Variants in RANBP2 observed in about 807,000 individuals in gnomAD.
RANBP2 encodes RAN binding protein 2.
A neutral mutation model predicts 303.6 loss-of-function variants in RANBP2; 57 were observed. The observed-to-expected ratio is 0.19, with a 90% CI of 0.15 to 0.23. RANBP2 has a LOEUF of 0.23. Among genes scored for constraint, RANBP2 ranks in the 10% least tolerant of loss-of-function variants. The pLI is 1.00. For synonymous variants in RANBP2, 1,167 were observed against 1,301.5 expected, an observed-to-expected ratio of 0.90 and a Z score of 2.23; for missense variants, 3,138 against 3,780.8, an observed-to-expected ratio of 0.83 and a Z score of 4.46.
At chr2:109,049,534 A>G in the RANBP2 span, among the ~76,000 whole-genome samples, 1 of 152,194 alleles carries the variant, frequency 6.6e-6, no homozygotes, top group Non-Finnish European at 1.5e-5. Context: ...AATTGCACCA[A>G]GGAGCAGGCA....
the RANBP2 span, among the ~76,000 whole-genome samples, chr2:109,357,554 G>T: frequency 3.3e-5 from 5 of 152,176 alleles, no homozygotes; most frequent in African/African-American, 1.2e-4. Flanking sequence ...TTACCAGCCC[G>T]CCCTTCCCGC....
chr2:109,709,967 A>T, the RANBP2 span, among the ~76,000 whole-genome samples: 1 of 150,338 alleles, frequency 6.7e-6, no homozygotes, highest in African/African-American at 2.5e-5. Flanking sequence ...CATGCCTGTA[A>T]TCCCAACTAC....
chr2:109,032,596 T>TGG, the RANBP2 span, among the ~76,000 whole-genome samples: 1 of 151,554 alleles, frequency 6.6e-6, no homozygotes, highest in African/African-American at 2.4e-5. Context: ...TGGGGTGGGG[T>TGG]GGGGGAGTCT....
chr2:109,495,114 G>A, the RANBP2 span, among the ~76,000 whole-genome samples: 1 of 152,216 alleles, frequency 6.6e-6, no homozygotes, highest in Non-Finnish European at 1.5e-5. Context: ...CCTTCCAAGA[G>A]GACCTCATCT....
the RANBP2 span, among the ~76,000 whole-genome samples, chr2:109,424,629 G>A: frequency 6.6e-6 from 1 of 152,196 alleles, no homozygotes; most frequent in Non-Finnish European, 1.5e-5. Flanking sequence ...TCTTTATGGT[G>A]ATGTGATCAG....
At chr2:108,754,505 C>T (rs1171769639) in intron 15 of RANBP2, among the ~76,000 whole-genome samples, 1 of 149,710 alleles carries the variant, frequency 6.7e-6, no homozygotes, top group Non-Finnish European at 1.5e-5. Flanking sequence ...TGTATTGTAG[C>T]ATCTGTATTT....
the RANBP2 span, among the ~76,000 whole-genome samples, chr2:109,488,663 C>T: frequency 6.6e-6 from 1 of 152,198 alleles, no homozygotes; most frequent in African/African-American, 2.4e-5. Context: ...CCTGGGAACA[C>T]TCTCCCTCAA....
At chr2:109,615,814 A>G in the RANBP2 span, 1 of 1,614,174 alleles carries the variant, frequency 6.2e-7, no homozygotes, top group Non-Finnish European at 8.5e-7. Flanking sequence ...CACCACCATC[A>G]CCACTCGGCT....
the RANBP2 span, among the ~76,000 whole-genome samples, chr2:109,031,892 A>ACCCC: frequency 2.8e-5 from 2 of 71,832 alleles, no homozygotes; most frequent in African/African-American, 5.4e-5. Flanking sequence ...GCTACCACCC[A>ACCCC]CCCCCCGCCA....
chr2:108,960,309 T>C, the RANBP2 span, among the ~76,000 whole-genome samples: 1 of 152,202 alleles, frequency 6.6e-6, no homozygotes, highest in Non-Finnish European at 1.5e-5. Context: ...TAGGAGATTG[T>C]CTGAACAAAA....
chr2:109,083,386 C>A, the RANBP2 span, among the ~76,000 whole-genome samples: 2 of 152,200 alleles, frequency 1.3e-5, no homozygotes, highest in Non-Finnish European at 2.9e-5. Context: ...AATGAAACCA[C>A]ACAGTATTTG....
chr2:109,515,951 G>A, the RANBP2 span, among the ~76,000 whole-genome samples: 1 of 152,186 alleles, frequency 6.6e-6, no homozygotes, highest in Non-Finnish European at 1.5e-5. Flanking sequence ...CAGCACTAGG[G>A]ATTGCATTTC....
At chr2:108,827,996 C>T in the RANBP2 span, among the ~76,000 whole-genome samples, 1 of 151,686 alleles carries the variant, frequency 6.6e-6, no homozygotes, top group South Asian at 2.1e-4. Context: ...TGGAACAGAA[C>T]GTGACCACAA....
chr2:108,913,228 C>T, the RANBP2 span, among the ~76,000 whole-genome samples: 24 of 151,994 alleles, frequency 1.6e-4, no homozygotes, highest in African/African-American at 5.3e-4. Flanking sequence ...GGATTACAGG[C>T]ATGAGCCACC....
the RANBP2 span, among the ~76,000 whole-genome samples, chr2:108,869,818 C>G: frequency 4.3e-4 from 65 of 152,266 alleles, no homozygotes; most frequent in Admixed American, 4.2e-3. Flanking sequence ...GAAGGCCTTT[C>G]ATGTCAGTCT....
At chr2:109,480,811 C>T in the RANBP2 span, among the ~76,000 whole-genome samples, 3 of 152,198 alleles carry the variant, frequency 2.0e-5, no homozygotes, top group African/African-American at 7.2e-5. Flanking sequence ...CTCCGGCTCT[C>T]TCTAGCTGGG....
the RANBP2 span, among the ~76,000 whole-genome samples, chr2:109,692,423 T>A: frequency 6.6e-6 from 1 of 152,164 alleles, no homozygotes; most frequent in Non-Finnish European, 1.5e-5. Flanking sequence ...CACTGAGTTG[T>A]TTACCTTAGG....
chr2:109,760,421 C>G, the RANBP2 span: 1 of 907,432 alleles, frequency 1.1e-6, no homozygotes, highest in Non-Finnish European at 1.3e-6. Context: ...GCGGCGGCGG[C>G]GGCGGCGGCG....
At chr2:108,906,014 G>A in the RANBP2 span, among the ~76,000 whole-genome samples, 4 of 146,088 alleles carry the variant, frequency 2.7e-5, no homozygotes, top group Admixed American at 2.0e-4. Flanking sequence ...CTGAGGCTCC[G>A]TGGCTGCTGC....
Sources: gnomAD v4.1 joint callset for allele counts (sites outside exome capture counted in the v4.1 genomes callset) on GRCh38, gnomAD v4.1.1 for gene constraint, MANE v1.5 for transcripts, NCBI Gene and HGNC (gene_info 2026-07-23, HGNC 2026-07-21) for gene names.